The following TPRG1 variants were observed in gnomAD, a reference collection of about 807,000 sequenced individuals.
The protein encoded by TPRG1 is tumor protein p63 regulated 1, also known as tumor protein p63-regulated gene 1 protein.
Under a neutral mutation model 29.3 loss-of-function variants are expected in TPRG1, and 29 were observed. That is an observed-to-expected ratio of 0.99 (90% CI 0.74 to 1.35). TPRG1 has a LOEUF of 1.35. Ranked by LOEUF, TPRG1 falls within the 40% of genes most tolerant of loss-of-function variation. The pLI is 0.00. For missense variants in TPRG1, 327 were observed against 335.0 expected, an observed-to-expected ratio of 0.98 and a Z score of 0.19; for synonymous variants, 130 against 116.8, an observed-to-expected ratio of 1.11 and a Z score of -0.73.
chr3:189,100,845 C>T lies in TPRG1; in HGVS notation c.-744+641C>T, dbSNP rs73053439. 7.2e-3 allele frequency among the ~76,000 whole-genome samples: 1,091 copies of T among 152,202 alleles called. 8 individuals carry two copies. Among genetic ancestry groups the T allele is most frequent in the African/African-American group, 0.025 (1,039 of 41,522 alleles). ...CCAGTGGGGCCACTGCGGCTTCCACCGCAAGCTAAGTTTCTGGTAAAAGAA... is the reference window on the plus strand; with the variant it reads ...CCAGTGGGGCCACTGCGGCTTCCACTGCAAGCTAAGTTTCTGGTAAAAGAA... On this transcript the variant is annotated intron_variant, in intron 1 of 6. Coordinates refer to the TPRG1 transcript ENST00000412373.
At chr3:189,245,473 G>A (rs1741238582) in intron 4 of TPRG1, among the ~76,000 whole-genome samples, 1 of 151,990 alleles carries the variant, frequency 6.6e-6, no homozygotes, top group Admixed American at 6.5e-5. Context: ...TGGATGCATT[G>A]TAAGTTGTAT....
upstream of TPRG1, among the ~76,000 whole-genome samples, chr3:189,169,268 G>A (rs935934526): frequency 1.3e-4 from 20 of 152,150 alleles, no homozygotes; most frequent in African/African-American, 1.9e-4. Context: ...GGGCTTAAGC[G>A]ATTCTCCTGC....
At chr3:189,012,411 G>T (rs1712650400) in intron 3 of TPRG1, among the ~76,000 whole-genome samples, 1 of 152,124 alleles carries the variant, frequency 6.6e-6, no homozygotes, top group Admixed American at 6.5e-5. Context: ...CTTTAAGTAT[G>T]TGATGAATTA....
In TPRG1 at chr3:189,032,908, C is replaced by T. The variant is rs185140897; in HGVS notation, c.-463+8962C>T. ...TGATGATTTCCAATTTCATCCATGT[C>T]CCTACAAAGGACATGAACTCATCAT... On this transcript the variant is annotated intron_variant, in intron 4 of 10. Coordinates refer to the TPRG1 transcript ENST00000433971. Among the ~76,000 whole-genome samples the T allele has an allele frequency of 4.4e-4, 67 of 151,940 alleles. No individual in the cohort carries two copies. The East Asian group carries it at 0.013, about 29-fold the overall frequency.
intron 4 of TPRG1, among the ~76,000 whole-genome samples, chr3:189,037,785 TC>T (rs1241978175): frequency 1.3e-5 from 2 of 151,808 alleles, no homozygotes; most frequent in African/African-American, 4.8e-5. Flanking sequence ...AACAATATTT[TC>T]TACCAGTAGT....
chr3:189,288,112 TTG>T (rs1214089735), intron 4 of TPRG1, among the ~76,000 whole-genome samples: 57 of 151,262 alleles, frequency 3.8e-4, no homozygotes, highest in African/African-American at 1.3e-3. Flanking sequence ...GTGTATATGG[TTG>T]TGTGTGTGTG....
intron 3 of TPRG1, among the ~76,000 whole-genome samples, chr3:189,230,020 C>A (rs1213550646): frequency 6.6e-6 from 1 of 152,188 alleles, no homozygotes; most frequent in African/African-American, 2.4e-5. Context: ...CTGCCAGCTT[C>A]CTTGGCTTCT....
chr3:189,254,338 T>C (rs1464309119), intron 4 of TPRG1, among the ~76,000 whole-genome samples: 4 of 152,188 alleles, frequency 2.6e-5, no homozygotes, highest in African/African-American at 2.4e-5. Flanking sequence ...TGTAGATGTA[T>C]GGTGTTATTT....
Position 189,257,780 on chromosome 3 carries a change from C to G in TPRG1, c.479+18871C>G, listed in dbSNP as rs149449662. Among the ~76,000 whole-genome samples the G allele has an allele frequency of 7.5e-3, 1,143 of 152,256 alleles. 18 individuals carry two copies. Among genetic ancestry groups the G allele is most frequent in the African/African-American group, 0.027 (1,106 of 41,540 alleles). ...TGATCTTCAATCTCTGATATCCTTT[C>G]TTCTGCTCAATTTGGCTATTGATAC... On this transcript the variant is annotated intron_variant, in intron 4 of 5. Transcript: ENST00000345063.
At chr3:189,030,129 C>T (rs1713857109) in intron 4 of TPRG1, among the ~76,000 whole-genome samples, 1 of 152,038 alleles carries the variant, frequency 6.6e-6, no homozygotes, top group Non-Finnish European at 1.5e-5. Flanking sequence ...TTTTGTGCTT[C>T]TTGTGACTTG....
intron 1 of TPRG1, among the ~76,000 whole-genome samples, chr3:189,185,165 T>G (rs1331753527): frequency 6.6e-6 from 1 of 152,178 alleles, no homozygotes; most frequent in Non-Finnish European, 1.5e-5. Context: ...TTTGATGGGT[T>G]TTTTCTTCTA....
At chr3:189,053,670 T>G (rs1419038019) in intron 4 of TPRG1, among the ~76,000 whole-genome samples, 1 of 152,194 alleles carries the variant, frequency 6.6e-6, no homozygotes, top group Non-Finnish European at 1.5e-5. Flanking sequence ...TTGAGACTGA[T>G]CTCCCATCTT....
chr3:189,297,173 G>A (rs1720079585), intron 4 of TPRG1, among the ~76,000 whole-genome samples: 1 of 151,840 alleles, frequency 6.6e-6, no homozygotes, highest in Non-Finnish European at 1.5e-5. Flanking sequence ...TAGAGACAGG[G>A]TTTCACTATG....
At chr3:189,046,427 G>A (rs1714980803) in intron 4 of TPRG1, among the ~76,000 whole-genome samples, 1 of 152,176 alleles carries the variant, frequency 6.6e-6, no homozygotes, top group African/African-American at 2.4e-5. Flanking sequence ...GTGGGACAGA[G>A]CTAACGGCTA....
chr3:189,219,574 T>C (rs1032172093), intron 3 of TPRG1: 45 of 1,267,970 alleles, frequency 3.5e-5, no homozygotes, highest in Non-Finnish European at 4.6e-5. Flanking sequence ...TTAGAACGGA[T>C]CCATTAAGCC....
intron 2 of TPRG1, among the ~76,000 whole-genome samples, chr3:189,211,201 C>G (rs6809317): frequency 0.044 from 6,636 of 152,182 alleles, 348 homozygotes; most frequent in African/African-American, 0.12. Flanking sequence ...TTAATAGTTT[C>G]ATAATATCCA....
At chr3:189,071,396 GTGTATGAGTTTTACACACA>G (rs1716804138) in intron 4 of TPRG1, among the ~76,000 whole-genome samples, 1 of 151,708 alleles carries the variant, frequency 6.6e-6, no homozygotes, top group East Asian at 1.9e-4. Context: ...ATACTTAGTA[GTGTATGAGTTTTACACACA>G]CACACACACA....
At chr3:189,315,992 G>T (rs558856761) in intron 5 of TPRG1, among the ~76,000 whole-genome samples, 3 of 152,216 alleles carry the variant, frequency 2.0e-5, no homozygotes, top group African/African-American at 4.8e-5. Flanking sequence ...ACCAAAGAAG[G>T]TGGGAAAAGA....
At chr3:189,071,837 G>T (rs1395383462) in intron 4 of TPRG1, among the ~76,000 whole-genome samples, 1 of 152,220 alleles carries the variant, frequency 6.6e-6, no homozygotes, top group Admixed American at 6.5e-5. Flanking sequence ...ATTAGCTTGT[G>T]TGTTCACTTC....
Sources: allele counts gnomAD v4.1 joint callset (sites outside exome capture counted in the v4.1 genomes callset), GRCh38; gene constraint gnomAD v4.1.1; transcripts MANE v1.5; gene names NCBI Gene and HGNC (gene_info 2026-07-23, HGNC 2026-07-21).